The following RBM44 variants were observed in gnomAD, a reference collection of about 807,000 sequenced individuals.
RBM44 encodes the protein RNA-binding protein 44.
In RBM44, 66 loss-of-function variants were observed where a neutral mutation model predicts 105.1. The ratio of observed to expected loss-of-function variants is 0.63; its 90% confidence interval spans 0.52 to 0.77. RBM44 has a LOEUF of 0.77. RBM44 is among the 30% of genes least tolerant of loss of function. The pLI, the probability that RBM44 is intolerant of heterozygous loss-of-function variation, is 0.00. For missense variants in RBM44, 1,122 were observed against 1,207.8 expected (o/e 0.93, Z 1.05); for synonymous variants, 365 against 417.6 (o/e 0.87, Z 1.54).
In RBM44 at chr2:237,818,982, C is replaced by T. The variant is rs1304713295; in HGVS notation, c.1736+23C>T. The T allele has an allele frequency of 1.3e-5, 16 of 1,254,058 alleles. 1 individual carries two copies. In the East Asian group the frequency reaches 1.6e-4, roughly 12 times the overall value. The allele number at this position is 1,254,058 out of a possible 1,614,324, so 77.7% of individuals were successfully genotyped here. Reference sequence around the variant, plus strand: ...GAGGTACATCATTTATATATGCTTACAGATACATCTGGAAGAAAAAATCAA... The same window carrying T: ...GAGGTACATCATTTATATATGCTTATAGATACATCTGGAAGAAAAAATCAA... On this transcript the variant is annotated intron_variant, in intron 4 of 15. Coordinates refer to ENST00000316997, the MANE Select transcript of RBM44 (RefSeq NM_001080504.3). The surrounding 1 kb of genome is among the most constrained non-coding windows in gnomAD (Gnocchi z 4.6).
intron 1 of RBM44, among the ~76,000 whole-genome samples, chr2:237,805,415 A>G (rs1014634724): frequency 1.3e-5 from 2 of 152,198 alleles, no homozygotes; most frequent in African/African-American, 4.8e-5. Flanking sequence ...ATACTCCCCA[A>G]ATCAATCTAC....
intron 8 of RBM44, among the ~76,000 whole-genome samples, chr2:237,822,497 C>G (rs944648320): frequency 1.3e-5 from 2 of 151,998 alleles, no homozygotes; most frequent in Non-Finnish European, 2.9e-5. Context: ...GGTTTTAACC[C>G]TGAGGTTTCT....
rs1576505040 is a variant in RBM44 at position 237,817,897 on chromosome 2, T to C, written c.978T>C (p.Ile326=). The C allele has an allele frequency of 6.3e-7, 1 of 1,596,886 alleles. No individual in the cohort carries two copies. Among genetic ancestry groups the C allele is most frequent in the Non-Finnish European group, 8.5e-7 (1 of 1,174,918 alleles). The change falls in exon 3 of 16, where the codon ATT becomes ATC. Residue 326 remains isoleucine, a synonymous_variant. Transcript: ENST00000316997. ...LSPQKVLKMK[I]YTENMKSQIN... is the part of the protein sequence containing the mutation. ...CTCAAAAAGTATTAAAAATGAAAAT[T>C]TATACTGAAAACATGAAATCTCAAA...
chr2:237,840,013 A>G (rs2061995705), intron 15 of RBM44, among the ~76,000 whole-genome samples: 1 of 151,988 alleles, frequency 6.6e-6, no homozygotes, highest in Admixed American at 6.6e-5. Context: ...ACATGGTGAA[A>G]CCCCATCTCC....
At chr2:237,810,994 G>T (rs888702998) in intron 1 of RBM44, among the ~76,000 whole-genome samples, 2 of 152,080 alleles carry the variant, frequency 1.3e-5, no homozygotes, top group African/African-American at 2.4e-5. Flanking sequence ...TTTGAACATT[G>T]TCTATAAAGT....
At position 237,842,067 on chromosome 2, in the gene RBM44, T is replaced by G. The variant is rs2062017033; in HGVS notation, c.*251T>G. 1 of 152,092 alleles carries G rather than the reference T, an allele frequency of 6.6e-6. No homozygotes were observed. Among genetic ancestry groups the G allele is most frequent in the African/African-American group, 2.4e-5 (1 of 41,468 alleles). The allele number at this position is 152,092 out of a possible 1,614,324, so 9.4% of individuals were successfully genotyped here. ...TATAATTTTTAATAAGTTTTTAAAT[T>G]TTTTTATTTCAATTTTGTTACTTAG... On this transcript the variant is annotated 3_prime_UTR_variant, in exon 16 of 16. Coordinates refer to ENST00000316997, the MANE Select transcript of RBM44 (RefSeq NM_001080504.3).
At chr2:237,815,574 T>G (rs2061706304) in intron 2 of RBM44, among the ~76,000 whole-genome samples, 1 of 152,188 alleles carries the variant, frequency 6.6e-6, no homozygotes, top group South Asian at 2.1e-4. Context: ...GTGATGAATT[T>G]TTTTTAAAGA....
intron 2 of RBM44, among the ~76,000 whole-genome samples, chr2:237,815,984 A>G (rs1380679802): frequency 6.6e-6 from 1 of 152,110 alleles, no homozygotes; most frequent in Non-Finnish European, 1.5e-5. Flanking sequence ...ATAAGAGCCA[A>G]ACTTCTTAGC....
chr2:237,827,223 T>C lies in RBM44; in HGVS notation c.2450-27T>C, dbSNP rs2061856762. ...AACATATCAGTACAATAAAGATCAT[T>C]TCTGTTACATGTTTTTCTCTAAGCA... On this transcript the variant is annotated intron_variant, in intron 10 of 15. Transcript: ENST00000316997. The C allele has an allele frequency of 3.1e-6, 4 of 1,272,016 alleles. No individual in the cohort carries two copies. In the East Asian group the frequency reaches 9.5e-5, roughly 30 times the overall value. The allele number at this position is 1,272,016 out of a possible 1,614,324, so 78.8% of individuals were successfully genotyped here.
intron 5 of RBM44, 157 bp from the exon 6 acceptor site, chr2:237,820,914 A>G (rs188684857): frequency 1.9e-5 from 10 of 526,598 alleles, no homozygotes; most frequent in Admixed American, 3.8e-5. Flanking sequence ...TTAGCTGGGC[A>G]TTGTGGCACA....
At position 237,821,112 on chromosome 2, in the gene RBM44, C is replaced by A; in HGVS notation, c.1955C>A (p.Ala652Glu). The A allele has an allele frequency of 6.2e-7, 1 of 1,605,166 alleles. No individual in the cohort carries two copies. Among genetic ancestry groups the A allele is most frequent in the Non-Finnish European group, 8.5e-7 (1 of 1,177,548 alleles). ...SNSAKKELGS[A>E]LLSLLGDLKV... ...TCTGCTAAGAAGGAATTGGGATCAG[C>A]ACTACTGTCTCTTTTGGGGGACTTA... The change falls in exon 6 of 16, where the codon GCA (alanine) becomes GAA (glutamate). Residue 652 changes from alanine (A) to glutamate (E), a missense_variant. Physicochemically the swap from Ala to Glu is moderately radical, Grantham distance 107. This residue lies in a region of RBM44 where 918 missense variants were observed against 955.3 expected (regional missense o/e 0.96). Transcript: ENST00000316997.
chr2:237,801,314 G>A lies in RBM44; in HGVS notation c.-19+2453G>A, dbSNP rs1407460630. ...TCCAGCCTCCAGCCTGGGCAACAGCGTGAGACCCTGACTTAAATATATACA... is the reference window on the plus strand; with the variant it reads ...TCCAGCCTCCAGCCTGGGCAACAGCATGAGACCCTGACTTAAATATATACA... On this transcript the variant is annotated intron_variant, in intron 1 of 15. Transcript: ENST00000316997. Among the ~76,000 whole-genome samples the A allele has an allele frequency of 2.6e-5, 4 of 152,142 alleles. No individual in the cohort carries two copies. The East Asian group carries it at 5.8e-4, about 22-fold the overall frequency.
Position 237,820,425 on chromosome 2 carries a change from C to G in RBM44, c.1913+74C>G, listed in dbSNP as rs181878998. The G allele has an allele frequency of 4.3e-6, 4 of 934,282 alleles. No individual in the cohort carries two copies. In the African/African-American group the frequency reaches 6.9e-5, roughly 16 times the overall value. 57.9% of individuals were successfully genotyped at this position (934,282 alleles called of 1,614,324 possible). On this transcript the variant is annotated intron_variant, in intron 5 of 15. Coordinates refer to ENST00000316997, the MANE Select transcript of RBM44 (RefSeq NM_001080504.3). ...TTTAAGTTTATTCTAGAGAGTTTCTCTAATTTTCATTTTTGAAGAGTAAAA... is the reference window on the plus strand; with the variant it reads ...TTTAAGTTTATTCTAGAGAGTTTCTGTAATTTTCATTTTTGAAGAGTAAAA...
At chr2:237,813,434 A>G (rs544939164) in intron 1 of RBM44, among the ~76,000 whole-genome samples, 158 bp from the exon 2 acceptor site, 18 of 152,224 alleles carry the variant, frequency 1.2e-4, no homozygotes, top group African/African-American at 4.1e-4. Flanking sequence ...TTAAGACTCA[A>G]TTTTTTAGAT....
intron 10 of RBM44, among the ~76,000 whole-genome samples, chr2:237,825,592 T>C (rs551069766): frequency 6.6e-6 from 1 of 152,348 alleles, no homozygotes; most frequent in South Asian, 2.1e-4. Flanking sequence ...GTTTGCTTAC[T>C]TGATATATTG....
At chr2:237,804,910 G>T (rs1263511477) in intron 1 of RBM44, among the ~76,000 whole-genome samples, 1 of 152,264 alleles carries the variant, frequency 6.6e-6, no homozygotes, top group Admixed American at 6.5e-5. Flanking sequence ...GCAGAAGCTC[G>T]AACTATTCCT....
chr2:237,806,745 A>G (rs1050093849), intron 1 of RBM44, among the ~76,000 whole-genome samples: 1 of 152,286 alleles, frequency 6.6e-6, no homozygotes, highest in Non-Finnish European at 1.5e-5. Flanking sequence ...TCAAACACTA[A>G]TATGTGTATT....
At chr2:237,816,048 C>T (rs1369008702) in intron 2 of RBM44, among the ~76,000 whole-genome samples, 1 of 152,136 alleles carries the variant, frequency 6.6e-6, no homozygotes, top group Non-Finnish European at 1.5e-5. Flanking sequence ...CGTAAGAGTT[C>T]TTTCACTACA....
intron 1 of RBM44, among the ~76,000 whole-genome samples, chr2:237,805,961 C>T (rs942048093): frequency 1.3e-5 from 2 of 152,034 alleles, no homozygotes; most frequent in African/African-American, 4.8e-5. Flanking sequence ...GCCTGGGTGA[C>T]AGAACAAGAC....
Sources: allele counts gnomAD v4.1 joint callset (sites outside exome capture counted in the v4.1 genomes callset), GRCh38; gene constraint gnomAD v4.1.1; regional missense constraint gnomAD v4.1.1; non-coding constraint Gnocchi (gnomAD v3.1); transcripts MANE v1.5; gene names NCBI Gene and HGNC (gene_info 2026-07-23, HGNC 2026-07-21).